The following SCMH1 variants were observed in gnomAD, a reference collection of about 807,000 sequenced individuals.
SCMH1 encodes the protein polycomb protein SCMH1.
Under a neutral mutation model 70.8 loss-of-function variants are expected in SCMH1, and 37 were observed. That is an observed-to-expected ratio of 0.52 (90% CI 0.40 to 0.69). SCMH1 has a LOEUF of 0.69. Ranked by LOEUF, SCMH1 falls within the 30% of genes least tolerant of loss-of-function variation. The probability of loss-of-function intolerance (pLI) is 0.00; values close to 1 mark genes in which losing one functional copy is unlikely to be tolerated. For missense variants in SCMH1, 607 were observed against 827.3 expected, an observed-to-expected ratio of 0.73 and a Z score of 3.27; for synonymous variants, 292 against 307.4, an observed-to-expected ratio of 0.95 and a Z score of 0.52.
At position 41,085,961 on chromosome 1, in the gene SCMH1, C is replaced by T. The variant is rs891685326; in HGVS notation, c.746-10510G>A. On this transcript the variant is annotated intron_variant, in intron 8 of 14. Coordinates refer to ENST00000337495, the Ensembl canonical transcript of SCMH1. ...GTTCAAGCGATTCTCCTGCCTCAGC[C>T]TCCTGAGTAGTTGGGATTACAGGTA... Among the ~76,000 whole-genome samples, 3 of 151,030 alleles carry T rather than the reference C, an allele frequency of 2.0e-5. 1 individual carries two copies. Among genetic ancestry groups the T allele is most frequent in the Admixed American group, 1.3e-4 (2 of 15,098 alleles).
At chr1:41,181,232 A>C (rs528974377) in intron 2 of SCMH1, among the ~76,000 whole-genome samples, 17 of 152,306 alleles carry the variant, frequency 1.1e-4, no homozygotes, top group African/African-American at 3.1e-4. Flanking sequence ...TTAGACCTAA[A>C]CCCATAAAAA....
intron 6 of SCMH1, among the ~76,000 whole-genome samples, chr1:41,138,907 T>A (rs1189958832): frequency 6.6e-6 from 1 of 152,196 alleles, no homozygotes. Context: ...TTATATATCT[T>A]AAATTTTCCC....
At chr1:41,232,488 T>TA (rs773675040) in intron 1 of SCMH1, among the ~76,000 whole-genome samples, 1 of 152,196 alleles carries the variant, frequency 6.6e-6, no homozygotes, top group Admixed American at 6.5e-5. Flanking sequence ...CCTGTACTGA[T>TA]AAAGTCTCAG....
intron 1 of SCMH1, among the ~76,000 whole-genome samples, chr1:41,192,116 G>A (rs182869103): frequency 6.6e-6 from 1 of 152,180 alleles, no homozygotes; most frequent in Admixed American, 6.5e-5. Flanking sequence ...CATGTCTTAA[G>A]TATCTGCTTC....
chr1:41,200,388 G>A (rs1025369522), intron 1 of SCMH1, among the ~76,000 whole-genome samples: 14 of 152,142 alleles, frequency 9.2e-5, no homozygotes, highest in Admixed American at 7.9e-4. Context: ...GCTGAGGCAG[G>A]AGAATGGCGT....
At chr1:41,193,156 T>C (rs1276896200) in intron 1 of SCMH1, among the ~76,000 whole-genome samples, 1 of 152,250 alleles carries the variant, frequency 6.6e-6, no homozygotes, top group Non-Finnish European at 1.5e-5. Context: ...CATTCCATTA[T>C]TTTACCTCAA....
chr1:41,042,279 C>T (rs1053345790), intron 12 of SCMH1, among the ~76,000 whole-genome samples: 8 of 150,402 alleles, frequency 5.3e-5, no homozygotes, highest in African/African-American at 7.3e-5. Context: ...GATGGAGTTT[C>T]GCTCTGTCAT....
chr1:41,097,944 C>T (rs1665541299), intron 8 of SCMH1, among the ~76,000 whole-genome samples: 1 of 152,160 alleles, frequency 6.6e-6, no homozygotes, highest in South Asian at 2.1e-4. Flanking sequence ...AGTCTCTGTG[C>T]TTAAGTTTTT....
chr1:41,027,754 T>G (rs1643964781), exon 15 of SCMH1: 1 of 159,188 alleles, frequency 6.3e-6, no homozygotes, highest in African/African-American at 2.4e-5. Flanking sequence ...AATAAGATCT[T>G]TTTGTAAAAA....
chr1:41,138,128 G>T (rs957494332), intron 6 of SCMH1, among the ~76,000 whole-genome samples: 1 of 152,038 alleles, frequency 6.6e-6, no homozygotes, highest in Non-Finnish European at 1.5e-5. Flanking sequence ...TGCTGAAAAC[G>T]ATTTCAGTAT....
At chr1:41,159,834 A>C in intron 4 of SCMH1, 2 of 1,382,604 alleles carry the variant, frequency 1.4e-6, no homozygotes, top group Non-Finnish European at 1.9e-6. Flanking sequence ...ATAGCCGCTG[A>C]ACAGAATGAA....
At chr1:41,150,008 G>T (rs1644921711) in intron 5 of SCMH1, among the ~76,000 whole-genome samples, 1 of 152,042 alleles carries the variant, frequency 6.6e-6, no homozygotes. Context: ...TAGCCACCTT[G>T]GTTTCTCTGG....
intron 9 of SCMH1, among the ~76,000 whole-genome samples, chr1:41,071,558 G>A (rs1656510824): frequency 1.3e-5 from 2 of 152,030 alleles, no homozygotes; most frequent in Non-Finnish European, 2.9e-5. Context: ...GAATAATAGA[G>A]GAAATAATAA....
chr1:41,092,249 C>A (rs1260658253), intron 8 of SCMH1, among the ~76,000 whole-genome samples: 1 of 152,052 alleles, frequency 6.6e-6, no homozygotes, highest in Non-Finnish European at 1.5e-5. Flanking sequence ...CTTTGACAAA[C>A]CTGAGAAAAA....
chr1:41,127,927 T>C (rs1194694526), intron 6 of SCMH1, among the ~76,000 whole-genome samples: 2 of 152,134 alleles, frequency 1.3e-5, no homozygotes, highest in South Asian at 2.1e-4. Flanking sequence ...TTCCAGTCTT[T>C]AGAACTGTGA....
chr1:41,172,348 A>T (rs1469143749), intron 2 of SCMH1, among the ~76,000 whole-genome samples: 1 of 151,372 alleles, frequency 6.6e-6, no homozygotes, highest in Non-Finnish European at 1.5e-5. Context: ...CAATAGCTAT[A>T]AAAAAAAACC....
rs1651056103 is a variant in SCMH1 at position 41,189,264 on chromosome 1, C to A, written c.-117-3014G>T. 2.0e-5 allele frequency among the ~76,000 whole-genome samples: 3 copies of A among 152,336 alleles called. No homozygotes were observed. The South Asian group carries it at 6.2e-4, about 32-fold the overall frequency. On this transcript the variant is annotated intron_variant, in intron 1 of 14. Coordinates refer to ENST00000337495, the Ensembl canonical transcript of SCMH1. ...TCGCGGGTTCCAGCGATTCTCCTGC[C>A]TCAGCCTCCTGAGTAGCTGGGATGA... is the stretch of plus-strand genomic sequence containing the variant.
At chr1:41,141,773 A>G (rs1644100156) in intron 6 of SCMH1, among the ~76,000 whole-genome samples, 1 of 152,252 alleles carries the variant, frequency 6.6e-6, no homozygotes, top group South Asian at 2.1e-4. Flanking sequence ...ACTAACTGCA[A>G]TGTGAGGATT....
At chr1:41,229,708 G>A (rs1660941832) in intron 1 of SCMH1, among the ~76,000 whole-genome samples, 1 of 151,956 alleles carries the variant, frequency 6.6e-6, no homozygotes, top group African/African-American at 2.4e-5. Flanking sequence ...CCTGCACATT[G>A]TGCACATGTA....
Sources: allele counts gnomAD v4.1 joint callset (sites outside exome capture counted in the v4.1 genomes callset), GRCh38; gene constraint gnomAD v4.1.1; transcripts MANE v1.5; gene names NCBI Gene and HGNC (gene_info 2026-07-23, HGNC 2026-07-21).